TRPM3: variants seen among roughly 807,000 people sequenced by gnomAD.
The protein encoded by TRPM3 is transient receptor potential cation channel subfamily M member 3, also known as long transient receptor potential channel 3.
TRPM3 carries 77 observed loss-of-function variants against 181.2 expected under a neutral mutation model. The ratio of observed to expected loss-of-function variants is 0.42; its 90% confidence interval spans 0.35 to 0.51. TRPM3 has a LOEUF of 0.51. TRPM3 is among the 20% of genes least tolerant of loss of function. The pLI is 0.01. For synonymous variants in TRPM3, 745 were observed against 796.4 expected, an observed-to-expected ratio of 0.94 and a Z score of 1.09; for missense variants, 1,759 against 2,196.7, an observed-to-expected ratio of 0.80 and a Z score of 3.98.
chr9:70,810,705 T>C (rs1443761986), intron 6 of TRPM3, among the ~76,000 whole-genome samples: 1 of 152,126 alleles, frequency 6.6e-6, no homozygotes, highest in Admixed American at 6.5e-5. Flanking sequence ...AATGCTTCCA[T>C]GTGTAGGATG....
Position 70,537,219 on chromosome 9 carries a change from C to T in TRPM3, c.3894G>A (p.Ser1298=), listed in dbSNP as rs188521068. ...AESNKIRSRT[S]SDCTDAAYIV... ...TGTAGGCGGCGTCCGTGCAGTCTGA[C>T]GAGGTCCTCGAGCGGATTTTGTTGG... Residue 1298 remains serine, a synonymous_variant, in exon 26 of 26, where the codon TCG becomes TCA. Transcript: ENST00000677713. The T allele has an allele frequency of 2.3e-5, 37 of 1,597,100 alleles. No homozygotes were observed. Among genetic ancestry groups the T allele is most frequent in the East Asian group, 6.8e-5 (3 of 44,430 alleles).
chr9:70,783,874 C>T (rs1165170527), intron 7 of TRPM3: 2 of 1,224,150 alleles, frequency 1.6e-6, no homozygotes, highest in Admixed American at 7.9e-5. Context: ...TTTTCCTCAC[C>T]CTTTTTATTA....
At chr9:70,790,057 T>C (rs1300427888) in intron 6 of TRPM3, among the ~76,000 whole-genome samples, 1 of 152,232 alleles carries the variant, frequency 6.6e-6, no homozygotes, top group Non-Finnish European at 1.5e-5. Context: ...CCATAATCTA[T>C]GATCAGCTTA....
intron 14 of TRPM3, among the ~76,000 whole-genome samples, chr9:70,624,406 C>T (rs2064152560): frequency 6.6e-6 from 1 of 152,196 alleles, no homozygotes; most frequent in African/African-American, 2.4e-5. Flanking sequence ...AGCGAGTCTC[C>T]TGCCTCAGCC....
intron 1 of TRPM3, among the ~76,000 whole-genome samples, chr9:71,043,538 G>T (rs1181357116): frequency 3.3e-5 from 5 of 152,086 alleles, no homozygotes; most frequent in African/African-American, 1.2e-4. Context: ...CTCTTCATAG[G>T]CAAGTATTTT....
rs201308976 is a variant in TRPM3 at position 70,537,083 on chromosome 9, G to T, written c.4030C>A (p.Pro1344Thr). Residue 1344 changes from proline to threonine, a missense_variant, in exon 26 of 26, where the codon CCC becomes ACC. Physicochemically the swap from Pro to Thr is conservative, Grantham distance 38. Transcript: ENST00000677713. The part of the protein sequence containing the change: ...TMSPTSPTLM[P>T]RMRSHSFYSV... ...TAGAAAGAATGGCTTCGCATACGGG[G>T]CATTAAGGTTGGAGAAGTTGGGGAC... 1.3e-4 allele frequency: 214 copies of T among 1,610,620 alleles called. No homozygotes were observed. The highest frequency in any genetic ancestry group is 1.8e-4 in the Non-Finnish European group (210 of 1,177,116).
At chr9:70,600,230 A>G (rs966593398) in intron 20 of TRPM3, among the ~76,000 whole-genome samples, 5 of 151,830 alleles carry the variant, frequency 3.3e-5, no homozygotes, top group Admixed American at 1.3e-4. Flanking sequence ...ACCTTCCTCA[A>G]TTGCTGGTGT....
chr9:71,368,541 G>A (rs749994618), intron 1 of TRPM3, among the ~76,000 whole-genome samples: 12 of 151,834 alleles, frequency 7.9e-5, no homozygotes, highest in Non-Finnish European at 1.3e-4. Flanking sequence ...TTGCCAAGCA[G>A]AGATCAGAAG....
At chr9:70,916,623 C>T (rs1054313580) in intron 1 of TRPM3, among the ~76,000 whole-genome samples, 2 of 151,922 alleles carry the variant, frequency 1.3e-5, no homozygotes, top group Non-Finnish European at 2.9e-5. Context: ...CTGGTCCATT[C>T]ATGTGTATGA....
At chr9:70,776,438 T>G in intron 7 of TRPM3, 1 of 714,148 alleles carries the variant, frequency 1.4e-6, no homozygotes, top group Non-Finnish European at 2.6e-6. Context: ...ATACCTTTGC[T>G]TTCCTCTTCC....
At chr9:70,582,181 C>CAT (rs1554762571) in intron 22 of TRPM3, among the ~76,000 whole-genome samples, 3 of 149,154 alleles carry the variant, frequency 2.0e-5, no homozygotes, top group Non-Finnish European at 4.5e-5. Flanking sequence ...CCACCCTGTG[C>CAT]GTGTGTGTGT....
chr9:70,567,739 G>A (rs564229515), intron 22 of TRPM3, among the ~76,000 whole-genome samples: 25 of 152,280 alleles, frequency 1.6e-4, no homozygotes, highest in African/African-American at 3.6e-4. Context: ...ATCCCTTGTC[G>A]AATTGTGAAA....
chr9:70,910,326 T>C (rs2096525629), intron 1 of TRPM3, among the ~76,000 whole-genome samples: 1 of 152,150 alleles, frequency 6.6e-6, no homozygotes, highest in African/African-American at 2.4e-5. Flanking sequence ...TTATAAAGTT[T>C]GGAAACAAGT....
intron 1 of TRPM3, among the ~76,000 whole-genome samples, chr9:71,116,504 G>C (rs184164959): frequency 4.3e-4 from 66 of 152,286 alleles, no homozygotes; most frequent in Non-Finnish European, 1.5e-5. Context: ...AATACATTTG[G>C]TTATTTGGAT....
chr9:71,226,009 T>TTAA (rs1554850480), intron 1 of TRPM3, among the ~76,000 whole-genome samples: 1 of 34,706 alleles, frequency 2.9e-5, no homozygotes, highest in Non-Finnish European at 4.9e-5. Context: ...CAACAAAAGG[T>TTAA]AAAAAAAAAA....
intron 1 of TRPM3, among the ~76,000 whole-genome samples, chr9:71,139,617 T>C (rs1314892520): frequency 6.6e-6 from 1 of 152,176 alleles, no homozygotes; most frequent in Non-Finnish European, 1.5e-5. Context: ...GATTTTGCCA[T>C]AGAAACTTTA....
chr9:71,126,876 A>T (rs1230969261), intron 1 of TRPM3, among the ~76,000 whole-genome samples: 3 of 152,164 alleles, frequency 2.0e-5, no homozygotes, highest in Non-Finnish European at 4.4e-5. Context: ...GTTCTGGTTG[A>T]CAGAAAATTC....
At chr9:70,777,992 G>C (rs1328149) in intron 7 of TRPM3, among the ~76,000 whole-genome samples, 86,349 of 135,156 alleles carry the variant, frequency 0.64, 24,993 homozygotes, top group East Asian at 0.82. Context: ...AACAGACACA[G>C]ACACACACAC....
At position 71,060,184 on chromosome 9, in the gene TRPM3, T is replaced by C. The variant is rs180968265; in HGVS notation, c.177+60994A>G. Among the ~76,000 whole-genome samples, 828 of 152,194 alleles carry C rather than the reference T, an allele frequency of 5.4e-3. 4 individuals carry two copies. The highest frequency in any genetic ancestry group is 8.5e-3 in the Non-Finnish European group (581 of 67,974). The stretch of plus-strand genomic sequence containing the variant: ...CATCACAGCTGAATAGGATTCCTTT[T>C]GAAGCAGTGACCTCCCAGGGACCAG... On this transcript the variant is annotated intron_variant, in intron 1 of 25. Coordinates refer to ENST00000677713, the MANE Select transcript of TRPM3 (RefSeq NM_001366145.2).
Sources: gnomAD v4.1 joint callset for allele counts (sites outside exome capture counted in the v4.1 genomes callset) on GRCh38, gnomAD v4.1.1 for gene constraint, MANE v1.5 for transcripts, NCBI Gene and HGNC (gene_info 2026-07-23, HGNC 2026-07-21) for gene names.